Variants in MON2 observed in about 807,000 individuals in gnomAD.
MON2 encodes MON2 regulator of endosome-to-Golgi trafficking, also known as protein MON2 homolog.
In MON2, 84 loss-of-function variants were observed where a neutral mutation model predicts 208.6. The ratio of observed to expected loss-of-function variants is 0.40; its 90% CI spans 0.34 to 0.48. The LOEUF is 0.48. MON2 is among the 20% of genes least tolerant of loss of function. MON2 has a pLI of 0.59. For synonymous variants in MON2, 660 were observed against 694.0 expected, an observed-to-expected ratio of 0.95 and a Z score of 0.77; for missense variants, 1,611 against 2,015.4, an observed-to-expected ratio of 0.80 and a Z score of 3.84.
intron 26 of MON2, among the ~76,000 whole-genome samples, chr12:62,564,780 A>G (rs2074319080): frequency 1.3e-5 from 2 of 152,162 alleles, no homozygotes; most frequent in Non-Finnish European, 2.9e-5. Context: ...TATTTTCCCA[A>G]CTGTAACACA....
chr12:62,535,937 T>C (rs919682590), intron 14 of MON2, among the ~76,000 whole-genome samples: 6 of 151,920 alleles, frequency 3.9e-5, no homozygotes, highest in African/African-American at 1.4e-4. Context: ...CTAAAACTTG[T>C]TGAGCACCAA....
Position 62,524,607 on chromosome 12 carries a change from A to G in MON2, c.1077A>G (p.Ile359Met), listed in dbSNP as rs1213236362. The change falls in exon 9 of 35, where the codon ATA becomes ATG. Residue 359 changes from isoleucine (I) to methionine (M), a missense_variant. By Grantham distance (10) the Ile-to-Met change is conservative (BLOSUM62 1). Coordinates refer to ENST00000393630, the MANE Select transcript of MON2 (RefSeq NM_015026.3). Reference protein sequence around the residue: ...QWLRAVAVESIHRFCVQPQLL... With the variant: ...QWLRAVAVESMHRFCVQPQLL... ...TACGAGCTGTTGCGGTGGAATCAAT[A>G]CACAGATTCTGTGTGCAGCCTCAAC... is the stretch of plus-strand genomic sequence containing the variant. 2 of 1,613,400 alleles carry G rather than the reference A, an allele frequency of 1.2e-6. No individual in the cohort carries two copies. The highest frequency in any genetic ancestry group is 1.1e-5 in the South Asian group (1 of 91,034).
intron 11 of MON2, among the ~76,000 whole-genome samples, chr12:62,530,824 A>G (rs1170938296): frequency 6.6e-6 from 1 of 152,162 alleles, no homozygotes; most frequent in Non-Finnish European, 1.5e-5. Context: ...CTCTTTTCCC[A>G]AGCAACTATA....
chr12:62,550,624 A>T (rs2073697490), intron 23 of MON2, among the ~76,000 whole-genome samples: 1 of 152,220 alleles, frequency 6.6e-6, no homozygotes, highest in Non-Finnish European at 1.5e-5. Flanking sequence ...GATCTGGATA[A>T]CTTGCTACAG....
rs2075571755 is a variant in MON2, at chr12:62,598,598, A to G, written c.*5849A>G. 6.6e-6 allele frequency: 1 copy of G among 152,108 alleles called. No individual in the cohort carries two copies. The highest frequency in any genetic ancestry group is 1.5e-5 in the Non-Finnish European group (1 of 67,988). The allele number at this position is 152,108 out of a possible 1,614,324, so 9.4% of individuals were successfully genotyped here. A position where few individuals can be genotyped will look rare whatever the true frequency, so the allele number is the denominator to read the frequency against. Reference sequence around the variant, plus strand: ...ACAACTCCTGTCTCTTAAGGCAGCTACCATATGGTGTTTATGTCAGACTGG... The same window carrying G: ...ACAACTCCTGTCTCTTAAGGCAGCTGCCATATGGTGTTTATGTCAGACTGG... On this transcript the variant is annotated 3_prime_UTR_variant, in exon 35 of 35. Transcript: ENST00000393630.
At chr12:62,515,660 A>G (rs2071647986) in intron 8 of MON2, among the ~76,000 whole-genome samples, 1 of 152,024 alleles carries the variant, frequency 6.6e-6, no homozygotes, top group Admixed American at 6.6e-5. Flanking sequence ...TAAAAATACA[A>G]AAAAATTAGC....
intron 14 of MON2, among the ~76,000 whole-genome samples, 157 bp downstream of exon 14, chr12:62,535,866 G>A (rs1264073114): frequency 1.0e-5 from 1 of 99,454 alleles, no homozygotes; most frequent in Non-Finnish European, 1.8e-5. Context: ...AAAATATGGG[G>A]TGGGGGGTGG....
chr12:62,514,523 A>C (rs960241619), intron 8 of MON2, among the ~76,000 whole-genome samples: 8 of 152,196 alleles, frequency 5.3e-5, no homozygotes, highest in African/African-American at 1.9e-4. Context: ...TTTTGCAGAG[A>C]AACTCCCTTT....
chr12:62,553,122 G>T lies in MON2; in HGVS notation c.3158G>T (p.Gly1053Val). ...GGGCAAACTCTGTTTTCTACAATTG[G>T]TGCGCATGGAACTTTATTACAGCAT... ...SAGQTLFSTI[G>V]AHGTLLQHST... The change falls in exon 24 of 35, where the codon GGT (glycine) becomes GTT (valine). Residue 1053 changes from glycine (G) to valine (V), a missense_variant. Gly to Val is a moderately radical substitution (Grantham distance 109). Transcript: ENST00000393630. 6.2e-7 allele frequency: 1 copy of T among 1,614,120 alleles called. No individual in the cohort carries two copies. Among genetic ancestry groups the T allele is most frequent in the Non-Finnish European group, 8.5e-7 (1 of 1,180,012 alleles).
Position 62,501,780 on chromosome 12 carries a change from T to C in MON2, c.789+82T>C, listed in dbSNP as rs1313508455. 2.6e-6 allele frequency: 4 copies of C among 1,524,012 alleles called. No homozygotes were observed. In the South Asian group the frequency reaches 3.5e-5, roughly 13 times the overall value. 94.4% of individuals were successfully genotyped at this position (1,524,012 alleles called of 1,614,324 possible). A position where few individuals can be genotyped will look rare whatever the true frequency, so the allele number is the denominator to read the frequency against. On this transcript the variant is annotated intron_variant, in intron 7 of 34. Transcript: ENST00000393630. Reference sequence around the variant, plus strand: ...TTTAAAGAAAGCAACGTGTATTTTTTTTCCACCTTAAAAGTGGCAAAGAGG... The same window carrying C: ...TTTAAAGAAAGCAACGTGTATTTTTCTTCCACCTTAAAAGTGGCAAAGAGG...
rs568074105 is a variant in MON2 at position 62,500,837 on chromosome 12, G to T, written c.620G>T (p.Ser207Ile). ...VQGNSNRRSVSTLKPCAKDAY... is the reference protein window; with the variant it reads ...VQGNSNRRSVITLKPCAKDAY... ...GGAAATAGTAACAGAAGATCTGTCAGTACCCTCAAACCTTGTGCTAAAGAT... is the reference window on the plus strand; with the variant it reads ...GGAAATAGTAACAGAAGATCTGTCATTACCCTCAAACCTTGTGCTAAAGAT... The change falls in exon 6 of 35, where the codon AGT becomes ATT. Residue 207 changes from serine (S) to isoleucine (I), a missense_variant. Ser to Ile is a moderately radical substitution (Grantham distance 142). Transcript: ENST00000393630. 1 of 1,594,258 alleles carries T rather than the reference G, an allele frequency of 6.3e-7. No homozygotes were observed. The highest frequency in any genetic ancestry group is 8.5e-7 in the Non-Finnish European group (1 of 1,171,268).
chr12:62,573,417 G>A (rs1229946858), intron 30 of MON2, among the ~76,000 whole-genome samples: 2 of 146,468 alleles, frequency 1.4e-5, no homozygotes, highest in Non-Finnish European at 3.0e-5. Flanking sequence ...TTTGCAATGA[G>A]TAAAACTTCT....
At chr12:62,469,882 T>TTTTATTTA (rs369624327) in intron 1 of MON2, among the ~76,000 whole-genome samples, 2,430 of 117,822 alleles carry the variant, frequency 0.021, 34 homozygotes, top group African/African-American at 0.026. Context: ...TTGACTATTA[T>TTTTATTTA]TTTATTTATT....
At chr12:62,497,012 A>G (rs1309958159) in intron 4 of MON2, among the ~76,000 whole-genome samples, 2 of 144,494 alleles carry the variant, frequency 1.4e-5, no homozygotes, top group Non-Finnish European at 3.0e-5. Context: ...TTGTAGGGAC[A>G]TGGATGAAAT....
At chr12:62,494,531 G>A (rs7132677) in intron 3 of MON2, among the ~76,000 whole-genome samples, 102,445 of 152,072 alleles carry the variant, frequency 0.67, 34,765 homozygotes, top group African/African-American at 0.77. Context: ...AAGTACTATA[G>A]TAGAAGTGAT....
At chr12:62,520,437 A>G (rs202097906) in intron 8 of MON2, among the ~76,000 whole-genome samples, 2 of 118,688 alleles carry the variant, frequency 1.7e-5, no homozygotes, top group East Asian at 2.4e-4. Context: ...GGCGTACTTT[A>G]TTTTTGAGAA....
chr12:62,492,628 C>T (rs1340260296), intron 2 of MON2, among the ~76,000 whole-genome samples: 1 of 147,614 alleles, frequency 6.8e-6, no homozygotes, highest in African/African-American at 2.5e-5. Flanking sequence ...GCCTCGGCCT[C>T]CCAAAGTGCT....
rs571195609 is a variant in MON2 at position 62,472,496 on chromosome 12, A to G, written c.111+5178A>G. The stretch of plus-strand genomic sequence containing the variant: ...TAGTCTTCCTAGGCTATGTAGTTTA[A>G]GTTTCCTGTTACCCATTCAGGCCTA... On this transcript the variant is annotated intron_variant, in intron 1 of 34. Coordinates refer to ENST00000393630, the MANE Select transcript of MON2 (RefSeq NM_015026.3). Among the ~76,000 whole-genome samples the G allele has an allele frequency of 3.2e-4, 48 of 152,314 alleles. No individual in the cohort carries two copies. In the South Asian group the frequency reaches 9.3e-3, roughly 30 times the overall value.
At chr12:62,589,649 C>G (rs2136506174) in intron 34 of MON2, among the ~76,000 whole-genome samples, 1 of 151,424 alleles carries the variant, frequency 6.6e-6, no homozygotes, top group Non-Finnish European at 1.5e-5. Flanking sequence ...GTGGCTCACA[C>G]CTGTAATCCC....
Sources: gnomAD v4.1 joint callset for allele counts (sites outside exome capture counted in the v4.1 genomes callset) on GRCh38, gnomAD v4.1.1 for gene constraint, MANE v1.5 for transcripts, NCBI Gene and HGNC (gene_info 2026-07-23, HGNC 2026-07-21) for gene names.